Variants in PXDNL observed in about 807,000 individuals in gnomAD.
PXDNL encodes the protein probable oxidoreductase PXDNL.
Under a neutral mutation model 150.8 loss-of-function variants are expected in PXDNL, and 145 were observed. The ratio of observed to expected loss-of-function variants is 0.96; its 90% CI spans 0.84 to 1.10. The LOEUF is 1.10. Ranked by LOEUF, PXDNL falls within the 50% of genes least tolerant of loss-of-function variation. The pLI, the probability that PXDNL is intolerant of heterozygous loss-of-function variation, is 0.00. For missense variants in PXDNL, 2,087 were observed against 1,873.9 expected (o/e 1.11, Z -2.10); for synonymous variants, 757 against 725.7 (o/e 1.04, Z -0.69).
chr8:51,665,876 G>C (rs1356620893), intron 1 of PXDNL, among the ~76,000 whole-genome samples: 1 of 152,180 alleles, frequency 6.6e-6, no homozygotes, highest in Admixed American at 6.5e-5. Flanking sequence ...GATGATGTGA[G>C]GAAGCTGACA....
At chr8:51,616,675 A>T (rs2130726310) in intron 2 of PXDNL, among the ~76,000 whole-genome samples, 1 of 152,322 alleles carries the variant, frequency 6.6e-6, no homozygotes, top group South Asian at 2.1e-4. Flanking sequence ...TCATCTCTAG[A>T]TTACTTAAAT....
chr8:51,725,813 G>T (rs1355667087), intron 1 of PXDNL, among the ~76,000 whole-genome samples: 1 of 152,206 alleles, frequency 6.6e-6, no homozygotes, highest in African/African-American at 2.4e-5. Flanking sequence ...TGGTCAACAG[G>T]CAAGTATTCA....
intron 12 of PXDNL, among the ~76,000 whole-genome samples, chr8:51,438,061 C>A (rs979598625): frequency 3.9e-5 from 6 of 152,002 alleles, no homozygotes; most frequent in African/African-American, 1.4e-4. Context: ...TTTACAATAG[C>A]TGCAAAAAAT....
intron 1 of PXDNL, among the ~76,000 whole-genome samples, chr8:51,760,244 G>T (rs1450935318): frequency 6.6e-6 from 1 of 152,088 alleles, no homozygotes; most frequent in African/African-American, 2.4e-5. Flanking sequence ...ACACTTGATT[G>T]CCTAACTCCA....
chr8:51,660,630 G>T (rs1380193624), intron 1 of PXDNL, among the ~76,000 whole-genome samples: 1 of 151,998 alleles, frequency 6.6e-6, no homozygotes, highest in East Asian at 1.9e-4. Context: ...TCTGTACCTG[G>T]GCCAAAAGCA....
At position 51,499,751 on chromosome 8, in the gene PXDNL, G is replaced by T; in HGVS notation, c.400C>A (p.Leu134Ile). Residue 134 changes from leucine to isoleucine, a missense_variant, in exon 5 of 23, where the codon CTA becomes ATA. Transcript: ENST00000356297. ...LEHLYIHFNQLEMLQPETFGD... is the reference protein window; with the variant it reads ...LEHLYIHFNQIEMLQPETFGD... Reference sequence around the variant, plus strand: ...AAGGTCTCTGGCTGTAGCATTTCTAGTTGGTTGAAATGAATATACCTGGAA... The same window carrying T: ...AAGGTCTCTGGCTGTAGCATTTCTATTTGGTTGAAATGAATATACCTGGAA... The T allele has an allele frequency of 1.2e-6, 2 of 1,613,142 alleles. No homozygotes were observed. Among genetic ancestry groups the T allele is most frequent in the Non-Finnish European group, 1.7e-6 (2 of 1,179,142 alleles).
intron 1 of PXDNL, chr8:51,722,024 GGA>G (rs1816741858): frequency 5.0e-6 from 1 of 201,322 alleles, no homozygotes; most frequent in Non-Finnish European, 1.0e-5. Context: ...ACTTCTTTAA[GGA>G]GAGCTGTAGT....
At chr8:51,554,309 T>C (rs1325488382) in intron 4 of PXDNL, among the ~76,000 whole-genome samples, 2 of 152,154 alleles carry the variant, frequency 1.3e-5, no homozygotes, top group Non-Finnish European at 2.9e-5. Flanking sequence ...TCAGGCATGC[T>C]GAGCTGCTCT....
chr8:51,525,077 C>T (rs1444954949), intron 4 of PXDNL, among the ~76,000 whole-genome samples: 1 of 152,016 alleles, frequency 6.6e-6, no homozygotes, highest in Non-Finnish European at 1.5e-5. Context: ...ACTGCTTCTC[C>T]ATTTTTAAAA....
At chr8:51,403,988 G>A (rs563352755) in intron 17 of PXDNL, among the ~76,000 whole-genome samples, 37 of 152,164 alleles carry the variant, frequency 2.4e-4, no homozygotes, top group Admixed American at 3.9e-4. Flanking sequence ...GGCTTCAAGA[G>A]TGAAATTGCA....
In PXDNL at chr8:51,754,823, C is replaced by A. The variant is rs569907838; in HGVS notation, c.164+54358G>T. On this transcript the variant is annotated intron_variant, in intron 1 of 22. Coordinates refer to ENST00000356297, the MANE Select transcript of PXDNL (RefSeq NM_144651.5). ...CGGCCAAAAGTCAAGTCGTTTCTGACAGGTCATTTTTAACAAGTAGTTTTT... is the reference window on the plus strand; with the variant it reads ...CGGCCAAAAGTCAAGTCGTTTCTGAAAGGTCATTTTTAACAAGTAGTTTTT... Among the ~76,000 whole-genome samples the A allele has an allele frequency of 1.5e-4, 23 of 152,164 alleles. 2 individuals are homozygous for A. The South Asian group carries it at 4.8e-3, about 32-fold the overall frequency.
chr8:51,512,713 G>A (rs937062601), intron 4 of PXDNL, among the ~76,000 whole-genome samples: 2 of 152,150 alleles, frequency 1.3e-5, no homozygotes, highest in African/African-American at 4.8e-5. Flanking sequence ...CTATGACCTC[G>A]CCAAGGACAA....
intron 3 of PXDNL, among the ~76,000 whole-genome samples, chr8:51,562,339 G>A (rs533236154): frequency 7.9e-5 from 12 of 151,722 alleles, no homozygotes; most frequent in Middle Eastern, 3.4e-3. Context: ...ATCCCTCCAT[G>A]CTTCATTAAA....
rs536617727 is a variant in PXDNL, at chr8:51,609,191, T to C, written c.237-16493A>G. Among the ~76,000 whole-genome samples the C allele has an allele frequency of 8.5e-5, 13 of 152,364 alleles. No individual in the cohort carries two copies. The East Asian group carries it at 2.3e-3, about 27-fold the overall frequency. ...CTAATTCTCAATAAATCTTCTTGAT[T>C]ACTTACTATTTTGGAGTTTGACTTT... On this transcript the variant is annotated intron_variant, in intron 2 of 22. Coordinates refer to ENST00000356297, the MANE Select transcript of PXDNL (RefSeq NM_144651.5).
At chr8:51,686,562 C>T (rs190258334) in intron 1 of PXDNL, among the ~76,000 whole-genome samples, 11 of 152,292 alleles carry the variant, frequency 7.2e-5, no homozygotes, top group Non-Finnish European at 1.3e-4. Flanking sequence ...GAGCAGGATG[C>T]CTGGAGACAA....
intron 8 of PXDNL, among the ~76,000 whole-genome samples, chr8:51,468,405 T>C (rs1810249996): frequency 6.6e-6 from 1 of 151,996 alleles, no homozygotes; most frequent in African/African-American, 2.4e-5. Context: ...TACACTATAA[T>C]AGTCTTACAT....
At chr8:51,587,732 C>A (rs1013369979) in intron 3 of PXDNL, among the ~76,000 whole-genome samples, 3 of 150,614 alleles carry the variant, frequency 2.0e-5, no homozygotes, top group African/African-American at 7.5e-5. Context: ...TCATTCCTCT[C>A]TTAAGATTAA....
At chr8:51,657,373 G>A (rs146639312) in intron 1 of PXDNL, among the ~76,000 whole-genome samples, 1 of 152,202 alleles carries the variant, frequency 6.6e-6, no homozygotes, top group African/African-American at 2.4e-5. Flanking sequence ...ATGTTATATG[G>A]TTGTTAAAAC....
At chr8:51,780,959 C>T (rs2037409455) in intron 1 of PXDNL, among the ~76,000 whole-genome samples, 1 of 152,062 alleles carries the variant, frequency 6.6e-6, no homozygotes, top group African/African-American at 2.4e-5. Context: ...TGCACCTGGC[C>T]TCTGGGGCCT....
Sources: allele counts gnomAD v4.1 joint callset (sites outside exome capture counted in the v4.1 genomes callset), GRCh38; gene constraint gnomAD v4.1.1; transcripts MANE v1.5; gene names NCBI Gene and HGNC (gene_info 2026-07-23, HGNC 2026-07-21).